The following BRD8 variants were observed in gnomAD, a reference collection of about 807,000 sequenced individuals.
BRD8 encodes the protein bromodomain containing 8.
BRD8 carries 67 observed loss-of-function variants against 143.1 expected under a neutral mutation model. That is an observed-to-expected ratio of 0.47 (90% CI 0.38 to 0.57). BRD8 has a LOEUF of 0.57. BRD8 is among the 20% of genes least tolerant of loss of function. The pLI is 0.00. For synonymous variants in BRD8, 505 were observed against 517.1 expected (o/e 0.98, Z 0.32); for missense variants, 1,103 against 1,503.0 (o/e 0.73, Z 4.40).
At chr5:138,142,191 C>T (rs963806892) in intron 25 of BRD8, among the ~76,000 whole-genome samples, 7 of 152,128 alleles carry the variant, frequency 4.6e-5, no homozygotes, top group African/African-American at 1.7e-4. Context: ...ATACAGCATT[C>T]GTCCCCTCTG....
At chr5:138,143,116 C>T (rs934717652) in intron 25 of BRD8, among the ~76,000 whole-genome samples, 5 of 151,880 alleles carry the variant, frequency 3.3e-5, no homozygotes, top group Admixed American at 3.3e-4. Context: ...GAAACTCTAT[C>T]TCTATAAAAA....
intron 8 of BRD8, chr5:138,168,751 G>A: frequency 1.2e-6 from 1 of 827,118 alleles, no homozygotes; most frequent in Non-Finnish European, 2.0e-6. Flanking sequence ...CTACTAATCT[G>A]TATGGGTTAG....
chr5:138,155,659 T>C (rs1010509194), intron 20 of BRD8, among the ~76,000 whole-genome samples: 1 of 148,976 alleles, frequency 6.7e-6, no homozygotes, highest in Non-Finnish European at 1.5e-5. Flanking sequence ...GCCTCCAATG[T>C]AGCTGGGACC....
At chr5:138,149,860 T>C (rs1274784050) in intron 22 of BRD8, 63 bp from the exon 23 acceptor site, 3 of 1,486,896 alleles carry the variant, frequency 2.0e-6, no homozygotes, top group Admixed American at 2.3e-5. Flanking sequence ...GTAATTTTAC[T>C]TGCATAGAGT....
At position 138,140,685 on chromosome 5, in the gene BRD8, C is replaced by T. The variant is rs941988001; in HGVS notation, c.3615+20G>A. Reference sequence around the variant, plus strand: ...TCTGAAATCAAGATTCCAGAGGCTACAGGTATCTGCATACAGTACCTGAAT... The same window carrying T: ...TCTGAAATCAAGATTCCAGAGGCTATAGGTATCTGCATACAGTACCTGAAT... On this transcript the variant is annotated intron_variant, in intron 26 of 26. Transcript: ENST00000254900. 6.2e-7 allele frequency: 1 copy of T among 1,609,860 alleles called. No individual in the cohort carries two copies. Among genetic ancestry groups the T allele is most frequent in the Non-Finnish European group, 8.5e-7 (1 of 1,176,068 alleles).
At chr5:138,176,750 T>C (rs778810858) in intron 2 of BRD8, among the ~76,000 whole-genome samples, 62 of 152,146 alleles carry the variant, frequency 4.1e-4, no homozygotes, top group Non-Finnish European at 7.6e-4. Flanking sequence ...ATATTGTACA[T>C]TTTAAGTAGG....
chr5:138,140,792 G>A lies in BRD8; in HGVS notation c.3528C>T (p.Phe1176=). ...AGTCATTGTACATTACAGCATTTTGGAACATCAGCATCAGGTCTCGCAGGA... is the reference window on the plus strand; with the variant it reads ...AGTCATTGTACATTACAGCATTTTGAAACATCAGCATCAGGTCTCGCAGGA... ...AQFLRDLMLM[F]QNAVMYNDSD... Residue 1176 remains phenylalanine (F), a synonymous_variant, in exon 26 of 27, where the codon TTC becomes TTT. Transcript: ENST00000254900. 6.2e-7 allele frequency: 1 copy of A among 1,614,110 alleles called. No individual in the cohort carries two copies. The highest frequency in any genetic ancestry group is 1.1e-5 in the South Asian group (1 of 91,072).
chr5:138,170,447 T>A, intron 6 of BRD8, 38 bp from the exon 7 acceptor site: 1 of 1,612,348 alleles, frequency 6.2e-7, no homozygotes, highest in Non-Finnish European at 8.5e-7. Flanking sequence ...TAGACAGCTC[T>A]GGCTCCTCCC....
At chr5:138,178,018 C>G (rs2151228540) in intron 1 of BRD8, among the ~76,000 whole-genome samples, 1 of 152,252 alleles carries the variant, frequency 6.6e-6, no homozygotes, top group Non-Finnish European at 1.5e-5. Context: ...TTATTCAGGG[C>G]TTATTTCCCA....
chr5:138,164,647 C>T, intron 12 of BRD8, 67 bp downstream of exon 12: 1 of 1,562,382 alleles, frequency 6.4e-7, no homozygotes, highest in Non-Finnish European at 8.7e-7. Context: ...AACCAAAAAG[C>T]CTAAGCTGTC....
chr5:138,156,296 C>T (rs1000059901), intron 20 of BRD8, among the ~76,000 whole-genome samples: 3 of 152,196 alleles, frequency 2.0e-5, no homozygotes, highest in East Asian at 1.9e-4. Flanking sequence ...TGCGCCACCA[C>T]GCCCAGCTAA....
chr5:138,147,447 A>T (rs919833047), intron 23 of BRD8, among the ~76,000 whole-genome samples: 8 of 151,968 alleles, frequency 5.3e-5, no homozygotes, highest in African/African-American at 1.4e-4. Context: ...AAAACAGTTC[A>T]TACTATATTC....
chr5:138,169,073 T>A, intron 8 of BRD8, 149 bp downstream of exon 8: 1 of 857,908 alleles, frequency 1.2e-6, no homozygotes, highest in Non-Finnish European at 1.7e-6. Flanking sequence ...CGTTCTTATC[T>A]CAGAGCACAG....
chr5:138,155,498 T>TAA (rs113571750), intron 20 of BRD8, among the ~76,000 whole-genome samples: 1 of 144,600 alleles, frequency 6.9e-6, no homozygotes, highest in Admixed American at 6.9e-5. Flanking sequence ...ACTCATCACT[T>TAA]AAAAAAAAAA....
intron 9 of BRD8, among the ~76,000 whole-genome samples, chr5:138,167,256 A>C (rs1753513265): frequency 6.6e-6 from 1 of 152,006 alleles, no homozygotes; most frequent in African/African-American, 2.4e-5. Context: ...CGACAGAGCA[A>C]GGCTCTGTCT....
Position 138,168,759 on chromosome 5 carries a change from T to G in BRD8, c.642+463A>C. The G allele has an allele frequency of 7.7e-6, 6 of 782,768 alleles. 1 individual carries two copies. The South Asian group carries it at 9.4e-5, about 12-fold the overall frequency. 48.5% of individuals were successfully genotyped at this position (782,768 alleles called of 1,614,324 possible). Reference sequence around the variant, plus strand: ...AGGTTCCCTACTAATCTGTATGGGTTAGTGTGTCTAACTATTATTTTATTA... The same window carrying G: ...AGGTTCCCTACTAATCTGTATGGGTGAGTGTGTCTAACTATTATTTTATTA... On this transcript the variant is annotated intron_variant, in intron 8 of 26. Coordinates refer to ENST00000254900, the MANE Select transcript of BRD8 (RefSeq NM_139199.2).
chr5:138,167,091 C>CAAAAAAAAAAAAAA lies in BRD8; in HGVS notation c.788-378_788-365dup, dbSNP rs60506064. On this transcript the variant is annotated intron_variant, in intron 9 of 26. Transcript: ENST00000254900. ...CGAAACCCTGCCTCTACTAAAAATACAAAAAAAAAAAAAAAAAAAAAAAAA... is the reference window on the plus strand; with the variant it reads ...CGAAACCCTGCCTCTACTAAAAATACAAAAAAAAAAAAAAAAAAAAAAAAAAAAAAAAAAAAAAA... 14 of 36,908 alleles carry CAAAAAAAAAAAAAA rather than the reference C, an allele frequency of 3.8e-4. 1 individual carries two copies. The highest frequency in any genetic ancestry group is 5.7e-4 in the Non-Finnish European group (13 of 22,758). The allele number at this position is 36,908 out of a possible 1,614,324, so 2.3% of individuals were successfully genotyped here. A position where few individuals can be genotyped will look rare whatever the true frequency, so the allele number is the denominator to read the frequency against.
chr5:138,155,610 G>A (rs1752556450), intron 20 of BRD8, among the ~76,000 whole-genome samples: 1 of 151,590 alleles, frequency 6.6e-6, no homozygotes, highest in Admixed American at 6.6e-5. Flanking sequence ...TCAGCTCACT[G>A]CAGCCTCAAC....
chr5:138,164,595 T>C, intron 12 of BRD8, 119 bp downstream of exon 12: 2 of 1,258,298 alleles, frequency 1.6e-6, no homozygotes, highest in Non-Finnish European at 2.3e-6. Flanking sequence ...CTATGGGCTT[T>C]GGACACATCA....
Sources: gnomAD v4.1 joint callset for allele counts (sites outside exome capture counted in the v4.1 genomes callset) on GRCh38, gnomAD v4.1.1 for gene constraint, MANE v1.5 for transcripts, NCBI Gene and HGNC (gene_info 2026-07-23, HGNC 2026-07-21) for gene names.